The following ACTN4 variants were observed in gnomAD, a reference collection of about 807,000 sequenced individuals.
ACTN4 encodes actinin alpha 4.
Under a neutral mutation model 114.2 loss-of-function variants are expected in ACTN4, and 18 were observed. The ratio of observed to expected loss-of-function variants is 0.16; its 90% CI spans 0.11 to 0.23. The LOEUF is 0.23. ACTN4 is among the 10% of genes least tolerant of loss of function. The pLI is 1.00. For synonymous variants in ACTN4, 515 were observed against 506.3 expected (o/e 1.02, Z -0.23); for missense variants, 722 against 1,262.9 (o/e 0.57, Z 6.49).
intron 1 of ACTN4, among the ~76,000 whole-genome samples, chr19:38,686,425 G>C (rs1832925411): frequency 6.6e-6 from 1 of 151,384 alleles, no homozygotes; most frequent in African/African-American, 2.4e-5. Context: ...AAGTAAATGG[G>C]GTGTTTGTAG....
intron 1 of ACTN4, among the ~76,000 whole-genome samples, chr19:38,681,905 A>G (rs1305040134): frequency 9.9e-5 from 15 of 152,126 alleles, no homozygotes; most frequent in Admixed American, 9.8e-4. Context: ...ATCTCGGCTT[A>G]CTGCAGCCTC....
chr19:38,713,813 C>T (rs1347076834), intron 8 of ACTN4, among the ~76,000 whole-genome samples: 1 of 146,380 alleles, frequency 6.8e-6, no homozygotes, highest in South Asian at 2.8e-4. Context: ...TCCCCGTGTG[C>T]ACCCCCTGCC....
At chr19:38,680,254 A>G (rs1352434422) in intron 1 of ACTN4, among the ~76,000 whole-genome samples, 12 of 132,284 alleles carry the variant, frequency 9.1e-5, no homozygotes, top group Non-Finnish European at 1.5e-4. Flanking sequence ...TTAAAGTCAG[A>G]GTCTCACTCA....
intron 1 of ACTN4, among the ~76,000 whole-genome samples, chr19:38,698,419 C>A (rs1255138466): frequency 6.6e-6 from 1 of 152,172 alleles, no homozygotes; most frequent in Admixed American, 6.5e-5. Context: ...GTACTCTCCG[C>A]AGTGAGAACC....
chr19:38,712,963 A>G (rs1968710317), intron 8 of ACTN4, among the ~76,000 whole-genome samples: 1 of 135,180 alleles, frequency 7.4e-6, no homozygotes, highest in African/African-American at 2.7e-5. Context: ...CCCCTCTCTG[A>G]GGGGGTAGTG....
intron 1 of ACTN4, among the ~76,000 whole-genome samples, chr19:38,671,252 T>A (rs954870578): frequency 6.6e-6 from 1 of 152,158 alleles, no homozygotes; most frequent in Non-Finnish European, 1.5e-5. Flanking sequence ...TCAAAATTCC[T>A]CCCACCATAT....
At chr19:38,728,526 G>T (rs1214264624) in intron 19 of ACTN4, 2 of 532,568 alleles carry the variant, frequency 3.8e-6, no homozygotes, top group Non-Finnish European at 6.3e-6. Flanking sequence ...CAGCGCAGCC[G>T]TGCCTGCCTC....
Position 38,647,670 on chromosome 19 carries a change from G to A in ACTN4, c.-76G>A, listed in dbSNP as rs973315656. ...GGCTGAAGCAGCTGAAGCGGCGGTA[G>A]CGGCGGCGGCTCGGGCAGAGGGGCG... On this transcript the variant is annotated 5_prime_UTR_variant, in exon 1 of 21. Coordinates refer to ENST00000252699, the MANE Select transcript of ACTN4 (RefSeq NM_004924.6). The A allele has an allele frequency of 2.0e-6, 3 of 1,478,194 alleles. No individual in the cohort carries two copies. Among genetic ancestry groups the A allele is most frequent in the Non-Finnish European group, 2.7e-6 (3 of 1,113,066 alleles). 91.6% of individuals were successfully genotyped at this position (1,478,194 alleles called of 1,614,324 possible). A position where few individuals can be genotyped will look rare whatever the true frequency, so the allele number is the denominator to read the frequency against.
intron 3 of ACTN4, among the ~76,000 whole-genome samples, chr19:38,703,466 G>C (rs1031251792): frequency 6.6e-6 from 1 of 151,828 alleles, no homozygotes; most frequent in Non-Finnish European, 1.5e-5. Flanking sequence ...TCGAACTCCT[G>C]ACCTCAGGCG....
rs1969163999 is a variant in ACTN4, at chr19:38,724,469, G to A, written c.1914G>A (p.Leu638=). ...TGCCAAAACGGGACCATGCCCTCCT[G>A]GAGGAGCAGAGCAAGCAGCAGTCCA... ...QLVPKRDHAL[L]EEQSKQQSNE... Residue 638 remains leucine, a synonymous_variant, in exon 16 of 21, where the codon CTG becomes CTA. Transcript: ENST00000252699. This position sits in a 1 kb window ranked among gnomAD's most constrained non-coding sequence, Gnocchi z 7.0. 1.2e-6 allele frequency: 2 copies of A among 1,613,488 alleles called. No homozygotes were observed. The highest frequency in any genetic ancestry group is 2.7e-5 in the African/African-American group (2 of 74,924).
At chr19:38,716,053 C>T (rs1258043558) in intron 9 of ACTN4, among the ~76,000 whole-genome samples, 1 of 152,172 alleles carries the variant, frequency 6.6e-6, no homozygotes, top group Non-Finnish European at 1.5e-5. Flanking sequence ...AGGCGCGCAC[C>T]ACCACGCCCA....
chr19:38,707,368 G>A lies in ACTN4; in HGVS notation c.573-749G>A, dbSNP rs921093077. Among the ~76,000 whole-genome samples the A allele has an allele frequency of 2.0e-5, 3 of 152,058 alleles. No individual in the cohort carries two copies. In the East Asian group the frequency reaches 5.8e-4, roughly 29 times the overall value. On this transcript the variant is annotated intron_variant, in intron 5 of 20. Transcript: ENST00000252699. ...GCGGGGACCAGCTGTTAGCACAGCGGCCAGTAATCCTGCAGCATAACTTCA... is the reference window on the plus strand; with the variant it reads ...GCGGGGACCAGCTGTTAGCACAGCGACCAGTAATCCTGCAGCATAACTTCA...
chr19:38,727,764 A>T lies in ACTN4; in HGVS notation c.2338-182A>T. ...CTTCCGAGGTTGGGGAAAGGATGAAAGGGGCCCGTGCCGCCCCCGACCCCA... is the reference window on the plus strand; with the variant it reads ...CTTCCGAGGTTGGGGAAAGGATGAATGGGGCCCGTGCCGCCCCCGACCCCA... On this transcript the variant is annotated intron_variant, in intron 18 of 20. Coordinates refer to ENST00000252699, the MANE Select transcript of ACTN4 (RefSeq NM_004924.6). The surrounding 1 kb of genome is among the most constrained non-coding windows in gnomAD (Gnocchi z 5.4). 1.6e-6 allele frequency: 1 copy of T among 625,070 alleles called. No individual in the cohort carries two copies. Among genetic ancestry groups the T allele is most frequent in the East Asian group, 2.8e-5 (1 of 36,276 alleles). The allele number at this position is 625,070 out of a possible 1,614,324, so 38.7% of individuals were successfully genotyped here.
chr19:38,719,206 C>A (rs559051509), intron 11 of ACTN4, among the ~76,000 whole-genome samples: 1 of 152,234 alleles, frequency 6.6e-6, no homozygotes, highest in Admixed American at 6.5e-5. Context: ...GCTGCCAGTG[C>A]CTGGGAGAGC....
At chr19:38,707,314 T>C (rs35856174) in intron 5 of ACTN4, among the ~76,000 whole-genome samples, 8,586 of 151,978 alleles carry the variant, frequency 0.056, 257 homozygotes, top group South Asian at 0.096. Flanking sequence ...CAAACAAAGT[T>C]CCCATTTGTG....
In ACTN4 at chr19:38,705,030, A is replaced by AC; in HGVS notation, c.484+12dup. The stretch of plus-strand genomic sequence containing the variant: ...GACATCTCCGTGGAAGGTGACAGCC[A>AC]CCTGTACTGCCCCCGCTTCCCACCT... On this transcript the variant is annotated intron_variant, in intron 4 of 20. Transcript: ENST00000252699. The AC allele has an allele frequency of 6.2e-7, 1 of 1,612,916 alleles. No homozygotes were observed. The highest frequency in any genetic ancestry group is 8.5e-7 in the Non-Finnish European group (1 of 1,178,866).
intron 1 of ACTN4, among the ~76,000 whole-genome samples, chr19:38,695,646 C>T (rs1340292807): frequency 6.6e-6 from 1 of 152,122 alleles, no homozygotes; most frequent in East Asian, 1.9e-4. Context: ...ATGCCAGCCT[C>T]ACTTCTTTAC....
rs1240934855 is a variant in ACTN4 at position 38,731,357 on chromosome 19, G to T, written c.*1925G>T. ...CCCAACTCTGCCCCATCCCGGCAGGGTGAGTACAGGCTGATCCCTTCAATC... is the reference window on the plus strand; with the variant it reads ...CCCAACTCTGCCCCATCCCGGCAGGTTGAGTACAGGCTGATCCCTTCAATC... On this transcript the variant is annotated 3_prime_UTR_variant, in exon 21 of 21. Transcript: ENST00000252699. The T allele has an allele frequency of 5.8e-6, 4 of 694,296 alleles. No homozygotes were observed. The African/African-American group carries it at 6.9e-5, about 12-fold the overall frequency. The allele number at this position is 694,296 out of a possible 1,614,324, so 43.0% of individuals were successfully genotyped here.
rs1228776619 is a variant in ACTN4, at chr19:38,709,398, G to A, written c.655G>A (p.Asp219Asn). ...GTCCCCACTTGCCTCCTTCTAGGAC[G>A]ACCCTGTCACCAACCTGAACAATGC... ...LIEYDKLRKD[D>N]PVTNLNNAFE... The change falls in exon 7 of 21, where the codon GAC becomes AAC. Residue 219 changes from aspartate to asparagine, a missense_variant. Physicochemically the swap from Asp to Asn is conservative, Grantham distance 23 (BLOSUM62 1). Transcript: ENST00000252699. 12 of 1,613,820 alleles carry A rather than the reference G, an allele frequency of 7.4e-6. No individual in the cohort carries two copies. Among genetic ancestry groups the A allele is most frequent in the Admixed American group, 3.3e-5 (2 of 59,998 alleles).
Sources: gnomAD v4.1 joint callset for allele counts (sites outside exome capture counted in the v4.1 genomes callset) on GRCh38, gnomAD v4.1.1 for gene constraint, Gnocchi (gnomAD v3.1) non-coding constraint, MANE v1.5 for transcripts, NCBI Gene and HGNC (gene_info 2026-07-23, HGNC 2026-07-21) for gene names.